CCDC88A: variants seen among roughly 807,000 people sequenced by gnomAD.
CCDC88A encodes coiled-coil and HOOK domain protein 88A.
CCDC88A carries 54 observed loss-of-function variants against 234.3 expected under a neutral mutation model. The ratio of observed to expected loss-of-function variants is 0.23; its 90% CI spans 0.19 to 0.29. The LOEUF (loss-of-function observed/expected upper bound fraction) is 0.29. Ranked by LOEUF, CCDC88A falls within the 10% of genes least tolerant of loss-of-function variation. CCDC88A has a pLI of 1.00. For missense variants in CCDC88A, 1,832 were observed against 2,123.4 expected (o/e 0.86, Z 2.70); for synonymous variants, 753 against 737.8 (o/e 1.02, Z -0.33).
At chr2:55,362,791 T>A (rs1034648741) in intron 6 of CCDC88A, among the ~76,000 whole-genome samples, 1 of 152,026 alleles carries the variant, frequency 6.6e-6, no homozygotes, top group Non-Finnish European at 1.5e-5. Context: ...TCTAATTTAT[T>A]GTACTTGAAT....
chr2:55,317,470 A>G lies in CCDC88A; in HGVS notation c.3602+94T>C. The G allele has an allele frequency of 8.9e-7, 1 of 1,120,828 alleles. No individual in the cohort carries two copies. Among genetic ancestry groups the G allele is most frequent in the African/African-American group, 1.6e-5 (1 of 62,864 alleles). The allele number at this position is 1,120,828 out of a possible 1,614,324, so 69.4% of individuals were successfully genotyped here. A position where few individuals can be genotyped will look rare whatever the true frequency, so the allele number is the denominator to read the frequency against. ...AAATTTATATAAATTTCTTATGTAA[A>G]CTAACATTAGATGTGTTTAATATAT... is the stretch of plus-strand genomic sequence containing the variant. On this transcript the variant is annotated intron_variant, in intron 20 of 32. Coordinates refer to ENST00000436346, the MANE Select transcript of CCDC88A (RefSeq NM_001365480.1). This position sits in a 1 kb window ranked among gnomAD's most constrained non-coding sequence, Gnocchi z 4.2.
intron 29 of CCDC88A, among the ~76,000 whole-genome samples, chr2:55,297,681 G>A (rs976635736): frequency 1.3e-5 from 2 of 151,490 alleles, no homozygotes; most frequent in African/African-American, 2.4e-5. Context: ...AAAGTGCTGG[G>A]ATTACAGGTG....
intron 2 of CCDC88A, among the ~76,000 whole-genome samples, chr2:55,395,704 T>G (rs934202392): frequency 3.3e-5 from 5 of 152,196 alleles, no homozygotes; most frequent in Admixed American, 2.0e-4. Context: ...AATAGGTACT[T>G]TCATTAAGCT....
chr2:55,341,211 T>C (rs1220037238), intron 12 of CCDC88A, among the ~76,000 whole-genome samples: 1 of 144,988 alleles, frequency 6.9e-6, no homozygotes, highest in Non-Finnish European at 1.5e-5. Context: ...AGTGGCATGA[T>C]AGTGGCTCAC....
intron 3 of CCDC88A, among the ~76,000 whole-genome samples, chr2:55,380,150 C>T (rs1674361423): frequency 6.7e-6 from 1 of 149,496 alleles, no homozygotes; most frequent in South Asian, 2.1e-4. Flanking sequence ...GCACAAGAAT[C>T]ACTTGAACTT....
chr2:55,406,618 G>C (rs1231988844), intron 2 of CCDC88A, among the ~76,000 whole-genome samples: 4 of 152,126 alleles, frequency 2.6e-5, no homozygotes, highest in African/African-American at 9.7e-5. Context: ...ATTTAGCCGG[G>C]TGTGGTGGTA....
At chr2:55,294,274 A>G in intron 31 of CCDC88A, 6 of 968,966 alleles carry the variant, frequency 6.2e-6, no homozygotes, top group Non-Finnish European at 7.4e-6. Context: ...CTTGAAGAAA[A>G]GACAGTTACT....
intron 7 of CCDC88A, among the ~76,000 whole-genome samples, chr2:55,361,092 C>G (rs1253020656): frequency 6.6e-6 from 1 of 152,074 alleles, no homozygotes; most frequent in Non-Finnish European, 1.5e-5. Flanking sequence ...TCTCAAAAAA[C>G]TTTAAAAAGT....
rs150092344 is a variant in CCDC88A at position 55,401,801 on chromosome 2, T to C, written c.165-12915A>G. On this transcript the variant is annotated intron_variant, in intron 2 of 32. Coordinates refer to ENST00000436346, the MANE Select transcript of CCDC88A (RefSeq NM_001365480.1). The stretch of plus-strand genomic sequence containing the variant: ...ACACATTAAGTTACCTTTTCGAAAG[T>C]TGGAAAATCTATGACATTTTCTAGT... 6.2e-4 allele frequency among the ~76,000 whole-genome samples: 94 copies of C among 152,068 alleles called. 1 individual carries two copies. The East Asian group carries it at 0.016, about 25-fold the overall frequency.
At chr2:55,357,442 C>A (rs932691533) in intron 7 of CCDC88A, among the ~76,000 whole-genome samples, 14 of 151,602 alleles carry the variant, frequency 9.2e-5, no homozygotes, top group Admixed American at 4.0e-4. Context: ...ACCTCCCTTT[C>A]ATTTTCCTAA....
In CCDC88A at chr2:55,301,123, G is replaced by A. The variant is rs10169760; in HGVS notation, c.4744+83C>T. The A allele has an allele frequency of 4.8e-3, 3,755 of 782,164 alleles. 101 individuals carry two copies. In the African/African-American group the frequency reaches 0.057, roughly 12 times the overall value. The allele number at this position is 782,164 out of a possible 1,614,324, so 48.5% of individuals were successfully genotyped here. A position where few individuals can be genotyped will look rare whatever the true frequency, so the allele number is the denominator to read the frequency against. ...AGAAAACATGCTTGCTGGCAATGAC[G>A]CATTCACCTATTAAAGGCAAGAGTC... is the stretch of plus-strand genomic sequence containing the variant. On this transcript the variant is annotated intron_variant, in intron 28 of 32. Coordinates refer to ENST00000436346, the MANE Select transcript of CCDC88A (RefSeq NM_001365480.1).
intron 4 of CCDC88A, among the ~76,000 whole-genome samples, chr2:55,374,329 T>C (rs907806073): frequency 6.6e-6 from 1 of 152,050 alleles, no homozygotes; most frequent in African/African-American, 2.4e-5. Context: ...GATCATGCCA[T>C]TGCACTCTAG....
chr2:55,383,086 A>C (rs1314161395), intron 3 of CCDC88A, among the ~76,000 whole-genome samples: 7 of 138,620 alleles, frequency 5.0e-5, no homozygotes, highest in East Asian at 2.1e-4. Context: ...AAAAAAAAAA[A>C]ACAAAAGAGT....
Position 55,295,645 on chromosome 2 carries a change from C to G in CCDC88A, c.5503G>C (p.Val1835Leu), listed in dbSNP as rs1167163685. ...LTKDSRLPIS[V>L]DSPPAAADSN... is the part of the protein sequence containing the mutation. The stretch of plus-strand genomic sequence containing the variant: ...TCAGCAGCAGCTGGTGGTGAATCAA[C>G]TGATATAGGCAGTCTACTGTCCTTG... The change falls in exon 31 of 33, where the codon GTT (valine) becomes CTT (leucine). Residue 1835 changes from valine (V) to leucine (L), a missense_variant. This residue lies in a region of CCDC88A where 422 missense variants were observed against 416.5 expected (regional missense o/e 1.01). Coordinates refer to ENST00000436346, the MANE Select transcript of CCDC88A (RefSeq NM_001365480.1). 10 of 1,614,196 alleles carry G rather than the reference C, an allele frequency of 6.2e-6. No homozygotes were observed. The highest frequency in any genetic ancestry group is 7.6e-6 in the Non-Finnish European group (9 of 1,180,038).
intron 8 of CCDC88A, among the ~76,000 whole-genome samples, chr2:55,353,903 G>T (rs74438490): frequency 6.6e-6 from 1 of 152,080 alleles, no homozygotes; most frequent in African/African-American, 2.4e-5. Flanking sequence ...CGAGTTAGGC[G>T]ATTTCATCAC....
intron 7 of CCDC88A, among the ~76,000 whole-genome samples, chr2:55,358,198 C>G (rs1004935087): frequency 1.3e-5 from 2 of 152,154 alleles, no homozygotes; most frequent in Admixed American, 6.5e-5. Flanking sequence ...CCAACATGAT[C>G]TCATCCAATA....
At chr2:55,414,247 G>A (rs931031851) in intron 2 of CCDC88A, among the ~76,000 whole-genome samples, 4 of 152,126 alleles carry the variant, frequency 2.6e-5, no homozygotes, top group Non-Finnish European at 5.9e-5. Context: ...TAAAATTTTA[G>A]GAGTATGAAA....
chr2:55,358,089 A>C (rs1345759030), intron 7 of CCDC88A, among the ~76,000 whole-genome samples: 1 of 152,174 alleles, frequency 6.6e-6, no homozygotes, highest in Non-Finnish European at 1.5e-5. Context: ...TGGAATTATA[A>C]TTAAGCCCTT....
chr2:55,363,128 T>C (rs868034458), intron 6 of CCDC88A, among the ~76,000 whole-genome samples: 1 of 151,960 alleles, frequency 6.6e-6, no homozygotes, highest in Non-Finnish European at 1.5e-5. Flanking sequence ...CAAGTATGTC[T>C]CTATAATGGG....
Sources: allele counts gnomAD v4.1 joint callset (sites outside exome capture counted in the v4.1 genomes callset), GRCh38; gene constraint gnomAD v4.1.1; regional missense constraint gnomAD v4.1.1; non-coding constraint Gnocchi (gnomAD v3.1); transcripts MANE v1.5; gene names NCBI Gene and HGNC (gene_info 2026-07-23, HGNC 2026-07-21).